The following STIM1 variants were observed in gnomAD, a reference collection of about 807,000 sequenced individuals.
STIM1 encodes stromal interaction molecule 1.
STIM1 carries 25 observed loss-of-function variants against 74.7 expected under a neutral mutation model. The ratio of observed to expected loss-of-function variants is 0.33; its 90% CI spans 0.24 to 0.47. The LOEUF (loss-of-function observed/expected upper bound fraction) is 0.47, where lower values mean the gene tolerates loss of function less well. STIM1 is among the 20% of genes least tolerant of loss of function. STIM1 has a pLI of 1.00. For missense variants in STIM1, 728 were observed against 920.8 expected (o/e 0.79, Z 2.71); for synonymous variants, 328 against 348.8 (o/e 0.94, Z 0.66).
intron 3 of STIM1, among the ~76,000 whole-genome samples, chr11:4,043,823 TG>T (rs2094168141): frequency 6.6e-6 from 1 of 151,914 alleles, no homozygotes; most frequent in Non-Finnish European, 1.5e-5. Context: ...GAGACCATCC[TG>T]GCCAACATGG....
chr11:3,891,011 A>C (rs2091878144), intron 1 of STIM1, among the ~76,000 whole-genome samples: 1 of 152,234 alleles, frequency 6.6e-6, no homozygotes. Context: ...ACTCTGAGCC[A>C]CAGCGAAGTC....
At chr11:4,003,554 A>C (rs992652476) in intron 2 of STIM1, among the ~76,000 whole-genome samples, 1 of 151,556 alleles carries the variant, frequency 6.6e-6, no homozygotes, top group Non-Finnish European at 1.5e-5. Context: ...CATGCTAAAA[A>C]CTCTCAATAA....
At chr11:4,020,513 C>T (rs2093945663) in intron 2 of STIM1, among the ~76,000 whole-genome samples, 1 of 151,994 alleles carries the variant, frequency 6.6e-6, no homozygotes, top group Non-Finnish European at 1.5e-5. Flanking sequence ...GAGATGATAT[C>T]TCATTGTGGT....
At chr11:3,898,935 G>A (rs1390342491) in intron 1 of STIM1, among the ~76,000 whole-genome samples, 5 of 151,960 alleles carry the variant, frequency 3.3e-5, no homozygotes, top group African/African-American at 4.8e-5. Context: ...AGTATAGTTT[G>A]AAGTCAGGTA....
intron 2 of STIM1, 126 bp downstream of exon 2, chr11:3,967,808 C>A: frequency 1.4e-6 from 2 of 1,398,624 alleles, no homozygotes; most frequent in Non-Finnish European, 2.0e-6. Context: ...GGAACTCATC[C>A]CTATCAGGGA....
chr11:3,963,453 C>T (rs535332503), intron 1 of STIM1, among the ~76,000 whole-genome samples: 1 of 152,134 alleles, frequency 6.6e-6, no homozygotes, highest in Non-Finnish European at 1.5e-5. Context: ...GTTTTACTTT[C>T]TAATATGGTA....
intron 2 of STIM1, among the ~76,000 whole-genome samples, chr11:4,000,473 CAG>C (rs2093704598): frequency 6.7e-6 from 1 of 150,202 alleles, no homozygotes; most frequent in Non-Finnish European, 1.5e-5. Flanking sequence ...CCCAGGCAAA[CAG>C]GGTCTGGAGT....
chr11:3,872,529 T>C (rs1309651229), intron 1 of STIM1, among the ~76,000 whole-genome samples: 1 of 149,996 alleles, frequency 6.7e-6, no homozygotes, highest in Non-Finnish European at 1.5e-5. Context: ...TTTTCTTTTT[T>C]TTTTTTTTTT....
chr11:4,077,570 C>A (rs2094444080), intron 7 of STIM1, among the ~76,000 whole-genome samples: 1 of 152,232 alleles, frequency 6.6e-6, no homozygotes, highest in Non-Finnish European at 1.5e-5. Context: ...TTGCCTAACT[C>A]TAGAATATAC....
chr11:4,010,508 A>G (rs949533587), intron 2 of STIM1, among the ~76,000 whole-genome samples: 2 of 152,104 alleles, frequency 1.3e-5, no homozygotes, highest in African/African-American at 4.8e-5. Context: ...TCAACTTTTC[A>G]AAATGCTGTG....
chr11:3,901,233 G>T (rs922332868), intron 1 of STIM1, among the ~76,000 whole-genome samples: 3 of 152,016 alleles, frequency 2.0e-5, no homozygotes, highest in African/African-American at 7.2e-5. Context: ...AGGTGAAATG[G>T]CATTATTATT....
At chr11:4,051,296 T>C (rs960922799) in intron 3 of STIM1, among the ~76,000 whole-genome samples, 5 of 152,160 alleles carry the variant, frequency 3.3e-5, no homozygotes, top group Admixed American at 2.0e-4. Context: ...TACTTTTAGC[T>C]TATTTCCAAA....
intron 2 of STIM1, among the ~76,000 whole-genome samples, chr11:4,021,850 A>G (rs2093958495): frequency 1.3e-5 from 2 of 152,084 alleles, no homozygotes; most frequent in African/African-American, 4.8e-5. Flanking sequence ...TGTCTTCTTC[A>G]ATTTAGTTCA....
At chr11:4,020,869 C>G (rs1320837896) in intron 2 of STIM1, among the ~76,000 whole-genome samples, 4 of 152,092 alleles carry the variant, frequency 2.6e-5, no homozygotes, top group African/African-American at 4.8e-5. Context: ...TCCCAAAGTG[C>G]CGTGATTACA....
At chr11:3,860,595 TTTCTCAGATC>T (rs1394115225) in intron 1 of STIM1, among the ~76,000 whole-genome samples, 2 of 152,202 alleles carry the variant, frequency 1.3e-5, no homozygotes, top group East Asian at 3.8e-4. Context: ...CTTTGTAATT[TTTCTCAGATC>T]TTGAGATGAA....
intron 3 of STIM1, among the ~76,000 whole-genome samples, chr11:4,053,217 C>G (rs1430734957): frequency 6.6e-6 from 1 of 152,152 alleles, no homozygotes; most frequent in East Asian, 1.9e-4. Context: ...TTGACCCAGC[C>G]ATCCCATTAC....
At chr11:3,976,218 A>AACT (rs1319645591) in intron 2 of STIM1, among the ~76,000 whole-genome samples, 26 of 152,274 alleles carry the variant, frequency 1.7e-4, no homozygotes, top group African/African-American at 6.0e-4. Context: ...CAAAGGCATG[A>AACT]ACTACTAATA....
chr11:3,897,867 G>A (rs578241641), intron 1 of STIM1, among the ~76,000 whole-genome samples: 147 of 152,162 alleles, frequency 9.7e-4, no homozygotes, highest in Admixed American at 3.9e-3. Flanking sequence ...TGGCTGCATA[G>A]TATTCCATGG....
At chr11:4,007,992 C>T (rs1303293852) in intron 2 of STIM1, among the ~76,000 whole-genome samples, 2 of 151,946 alleles carry the variant, frequency 1.3e-5, no homozygotes, top group Non-Finnish European at 2.9e-5. Context: ...TAAGATACCC[C>T]AAATTGTATA....
Sources: allele counts gnomAD v4.1 joint callset (sites outside exome capture counted in the v4.1 genomes callset), GRCh38; gene constraint gnomAD v4.1.1; transcripts MANE v1.5; gene names NCBI Gene and HGNC (gene_info 2026-07-23, HGNC 2026-07-21).